The following STK39 variants were observed in gnomAD, a reference collection of about 807,000 sequenced individuals.
STK39 encodes the protein serine/threonine kinase 39.
STK39 carries 20 observed loss-of-function variants against 77.8 expected under a neutral mutation model. The observed-to-expected ratio is 0.26, with a 90% CI of 0.18 to 0.37. The LOEUF is 0.37. Ranked by LOEUF, STK39 falls within the 10% of genes least tolerant of loss-of-function variation. STK39 has a pLI of 1.00. For synonymous variants in STK39, 246 were observed against 234.1 expected (o/e 1.05, Z -0.47); for missense variants, 479 against 656.5 (o/e 0.73, Z 2.95).
intron 8 of STK39, among the ~76,000 whole-genome samples, chr2:168,136,367 C>CAA (rs775507627): frequency 2.2e-3 from 140 of 64,846 alleles, no homozygotes; most frequent in African/African-American, 7.6e-3. Context: ...GACTCCGTCT[C>CAA]AAAAAAAAAA....
At chr2:168,169,778 G>A (rs1467781047) in intron 2 of STK39, among the ~76,000 whole-genome samples, 2 of 152,138 alleles carry the variant, frequency 1.3e-5, no homozygotes, top group Non-Finnish European at 2.9e-5. Flanking sequence ...ATTTAAATGA[G>A]TGGGGGATGA....
At chr2:168,014,550 G>A (rs1323791962) in intron 15 of STK39, among the ~76,000 whole-genome samples, 1 of 152,094 alleles carries the variant, frequency 6.6e-6, no homozygotes. Flanking sequence ...AATGGAAGTT[G>A]GGGTAGCATA....
chr2:168,207,318 C>T (rs11679392), intron 1 of STK39, among the ~76,000 whole-genome samples: 33,639 of 152,198 alleles, frequency 0.22, 4,736 homozygotes, highest in Non-Finnish European at 0.33. Flanking sequence ...AGGGAAGTAA[C>T]TGAATACTAT....
intron 16 of STK39, among the ~76,000 whole-genome samples, chr2:167,983,612 A>C (rs1202837717): frequency 6.6e-6 from 1 of 152,004 alleles, no homozygotes; most frequent in Non-Finnish European, 1.5e-5. Context: ...TTGACTATTA[A>C]GGGTTCAGGC....
In STK39 at chr2:168,167,418, A is replaced by G. The variant is rs951121771; in HGVS notation, c.322-11T>C. ...GGCTTGAATTTCTTTCTATAAAAAG[A>G]GCAAAACATGACATAGTACCATGGG... On this transcript the variant is annotated splice_polypyrimidine_tract_variant and intron_variant, in intron 2 of 17. Transcript: ENST00000355999. 3.7e-6 allele frequency: 6 copies of G among 1,611,764 alleles called. No homozygotes were observed. The Admixed American group carries it at 1.0e-4, about 27-fold the overall frequency.
intron 16 of STK39, among the ~76,000 whole-genome samples, chr2:168,002,051 T>A (rs1488070495): frequency 6.6e-6 from 1 of 152,178 alleles, no homozygotes; most frequent in African/African-American, 2.4e-5. Flanking sequence ...AACAAGGCAA[T>A]CTAAAGTAAT....
At chr2:167,967,837 G>A (rs1192834576) in intron 16 of STK39, among the ~76,000 whole-genome samples, 13 of 149,294 alleles carry the variant, frequency 8.7e-5, no homozygotes, top group Admixed American at 5.3e-4. Context: ...GTTCATATGC[G>A]GGCTTTTTAC....
At chr2:168,200,749 C>G (rs1337131355) in intron 1 of STK39, among the ~76,000 whole-genome samples, 1 of 151,692 alleles carries the variant, frequency 6.6e-6, no homozygotes, top group African/African-American at 2.4e-5. Flanking sequence ...CTGTTAAACA[C>G]GTTCTCATTT....
At chr2:168,108,937 C>T (rs754909358) in intron 10 of STK39, among the ~76,000 whole-genome samples, 2 of 152,112 alleles carry the variant, frequency 1.3e-5, no homozygotes, top group South Asian at 4.1e-4. Flanking sequence ...TAACTTAATC[C>T]TTGTGGAGTG....
intron 1 of STK39, among the ~76,000 whole-genome samples, chr2:168,189,862 G>A (rs976724145): frequency 7.2e-5 from 11 of 152,166 alleles, no homozygotes; most frequent in Non-Finnish European, 1.5e-4. Flanking sequence ...TGACGAACAT[G>A]CAACCTGGAG....
At chr2:168,222,119 G>A (rs1480498188) in intron 1 of STK39, among the ~76,000 whole-genome samples, 1 of 152,096 alleles carries the variant, frequency 6.6e-6, no homozygotes, top group Admixed American at 6.5e-5. Flanking sequence ...TGTTTTGGCT[G>A]AATATTCCAG....
intron 1 of STK39, among the ~76,000 whole-genome samples, chr2:168,213,119 A>G (rs1349426421): frequency 6.6e-6 from 1 of 152,254 alleles, no homozygotes; most frequent in Non-Finnish European, 1.5e-5. Context: ...TGGGAGTTGC[A>G]AGAAGAGATA....
chr2:168,136,094 T>C lies in STK39; in HGVS notation c.974+1994A>G, dbSNP rs56290870. On this transcript the variant is annotated intron_variant, in intron 8 of 17. Transcript: ENST00000355999. The stretch of plus-strand genomic sequence containing the variant: ...TATTAAGAAATAAAAATGGACCGGG[T>C]GCGGTAGCTCATGCCTGTAATCCCA... Among the ~76,000 whole-genome samples the C allele has an allele frequency of 7.0e-3, 1,049 of 150,794 alleles. 8 individuals are homozygous for C. The highest frequency in any genetic ancestry group is 0.018 in the African/African-American group (721 of 41,168).
intron 1 of STK39, among the ~76,000 whole-genome samples, chr2:168,223,564 G>GAATCATAA (rs1308758526): frequency 4.6e-5 from 7 of 151,166 alleles, no homozygotes; most frequent in Non-Finnish European, 8.8e-5. Context: ...TGAAGTTTGA[G>GAATCATAA]AATCATAAAG....
intron 16 of STK39, among the ~76,000 whole-genome samples, chr2:168,011,582 G>A (rs1684272448): frequency 6.6e-6 from 1 of 152,086 alleles, no homozygotes. Flanking sequence ...CCTCACCCTA[G>A]GTGGAACCAG....
chr2:168,124,865 T>C (rs181244890), intron 10 of STK39, among the ~76,000 whole-genome samples: 1 of 151,570 alleles, frequency 6.6e-6, no homozygotes, highest in African/African-American at 2.4e-5. Context: ...CTCAGCAAAC[T>C]AACACAGCAA....
At chr2:168,206,242 A>G (rs1016477674) in intron 1 of STK39, among the ~76,000 whole-genome samples, 1 of 152,108 alleles carries the variant, frequency 6.6e-6, no homozygotes, top group African/African-American at 2.4e-5. Flanking sequence ...AGCACAGAAA[A>G]ACACCTGATG....
intron 1 of STK39, among the ~76,000 whole-genome samples, chr2:168,216,664 T>C (rs1385078506): frequency 1.3e-5 from 2 of 152,210 alleles, no homozygotes; most frequent in Non-Finnish European, 2.9e-5. Flanking sequence ...AATACGAGTT[T>C]TTAGGCAAAG....
rs532534504 is a variant in STK39, at chr2:168,014,302, T to C, written c.1430-1600A>G. 9.8e-4 allele frequency among the ~76,000 whole-genome samples: 149 copies of C among 152,028 alleles called. 1 individual carries two copies. The highest frequency in any genetic ancestry group is 3.1e-3 in the African/African-American group (129 of 41,482). ...GAGTTACAGACCAGTCTGGGCAACA[T>C]AGGGAGACGCCATCTCTACAAAGCG... is the stretch of plus-strand genomic sequence containing the variant. On this transcript the variant is annotated intron_variant, in intron 15 of 17. Transcript: ENST00000355999.
Sources: gnomAD v4.1 joint callset for allele counts (sites outside exome capture counted in the v4.1 genomes callset) on GRCh38, gnomAD v4.1.1 for gene constraint, MANE v1.5 for transcripts, NCBI Gene and HGNC (gene_info 2026-07-23, HGNC 2026-07-21) for gene names.